Variants in CCDC85A observed in about 807,000 individuals in gnomAD.
CCDC85A encodes the protein coiled-coil domain-containing protein 85A.
Under a neutral mutation model 50.2 loss-of-function variants are expected in CCDC85A, and 38 were observed. The observed-to-expected ratio is 0.76, with a 90% confidence interval of 0.58 to 0.99. CCDC85A has a LOEUF of 0.99. CCDC85A is among the 50% of genes least tolerant of loss of function. The pLI is 0.00. For synonymous variants in CCDC85A, 366 were observed against 301.4 expected (o/e 1.21, Z -2.22); for missense variants, 820 against 742.0 (o/e 1.11, Z -1.22).
Position 56,283,277 on chromosome 2 carries a change from A to G in CCDC85A, c.1241-59602A>G, listed in dbSNP as rs13399666. ...TTGTCACTTTTTGTAGATATTCTTC[A>G]TAATGTTCTTCCTTCTATTCCAGTC... On this transcript the variant is annotated intron_variant, in intron 2 of 5. Coordinates refer to ENST00000407595, the MANE Select transcript of CCDC85A (RefSeq NM_001080433.2). Among the ~76,000 whole-genome samples the G allele has an allele frequency of 8.5e-3, 1,299 of 152,294 alleles. 13 individuals are homozygous for G. Among genetic ancestry groups the G allele is most frequent in the African/African-American group, 0.027 (1,126 of 41,574 alleles).
chr2:56,257,683 C>G (rs1280701814), intron 2 of CCDC85A, among the ~76,000 whole-genome samples: 1 of 152,074 alleles, frequency 6.6e-6, no homozygotes, highest in African/African-American at 2.4e-5. Flanking sequence ...AAAAGAAACT[C>G]AATCAGGTGT....
intron 2 of CCDC85A, among the ~76,000 whole-genome samples, chr2:56,299,753 A>G (rs1372090285): frequency 6.6e-6 from 1 of 152,154 alleles, no homozygotes; most frequent in Non-Finnish European, 1.5e-5. Context: ...AAGCAAAAAG[A>G]CGATTAAATA....
At chr2:56,286,997 C>T (rs1382797549) in intron 2 of CCDC85A, among the ~76,000 whole-genome samples, 1 of 152,186 alleles carries the variant, frequency 6.6e-6, no homozygotes, top group Non-Finnish European at 1.5e-5. Context: ...GGTGTTTTCT[C>T]CAAGGGGTGC....
intron 2 of CCDC85A, among the ~76,000 whole-genome samples, chr2:56,211,470 G>C (rs1325719201): frequency 6.6e-6 from 1 of 151,882 alleles, no homozygotes; most frequent in African/African-American, 2.4e-5. Flanking sequence ...AACATCCTGT[G>C]GGTGTTATCA....
chr2:56,367,896 G>A (rs566151125), intron 3 of CCDC85A, among the ~76,000 whole-genome samples: 96 of 152,118 alleles, frequency 6.3e-4, no homozygotes, highest in African/African-American at 2.1e-3. Context: ...TAGAGTGACC[G>A]TACCATTTTA....
intron 3 of CCDC85A, among the ~76,000 whole-genome samples, chr2:56,369,617 G>C (rs190061894): frequency 6.6e-6 from 1 of 152,208 alleles, no homozygotes; most frequent in East Asian, 1.9e-4. Flanking sequence ...TTAAAACATA[G>C]GTCACTTCAT....
At chr2:56,339,541 C>T (rs919933779) in intron 2 of CCDC85A, among the ~76,000 whole-genome samples, 2 of 152,158 alleles carry the variant, frequency 1.3e-5, no homozygotes, top group African/African-American at 4.8e-5. Context: ...AAATTCCGTT[C>T]AATAGCATTT....
intron 1 of CCDC85A, 137 bp downstream of exon 1, chr2:56,185,037 C>A: frequency 9.4e-7 from 1 of 1,061,024 alleles, no homozygotes; most frequent in Non-Finnish European, 1.3e-6. Context: ...CCCCTACCCC[C>A]AGTCCCCAGC....
intron 2 of CCDC85A, among the ~76,000 whole-genome samples, chr2:56,342,501 T>C (rs981793556): frequency 1.3e-5 from 2 of 152,226 alleles, no homozygotes; most frequent in African/African-American, 4.8e-5. Flanking sequence ...GATGTTGGAC[T>C]GCTTCTCTTA....
chr2:56,277,120 A>G (rs1286618555), intron 2 of CCDC85A, among the ~76,000 whole-genome samples: 1 of 152,088 alleles, frequency 6.6e-6, no homozygotes, highest in Non-Finnish European at 1.5e-5. Flanking sequence ...TCATTCTTTC[A>G]CAATAGCTCA....
At chr2:56,326,177 G>C (rs138138229) in intron 2 of CCDC85A, among the ~76,000 whole-genome samples, 1 of 152,202 alleles carries the variant, frequency 6.6e-6, no homozygotes, top group East Asian at 1.9e-4. Flanking sequence ...CACACCTCAG[G>C]TTAAGTCCAG....
chr2:56,303,161 G>C (rs1347994529), intron 2 of CCDC85A, among the ~76,000 whole-genome samples: 4 of 152,168 alleles, frequency 2.6e-5, no homozygotes, highest in African/African-American at 9.7e-5. Context: ...ATTCTTCGTT[G>C]ACTTTTTTGT....
chr2:56,266,918 G>T (rs559499727), intron 2 of CCDC85A, among the ~76,000 whole-genome samples: 1 of 152,208 alleles, frequency 6.6e-6, no homozygotes, highest in African/African-American at 2.4e-5. Context: ...GAGTGGTGTG[G>T]TTTGTTTTGG....
At chr2:56,283,779 C>T (rs372406672) in intron 2 of CCDC85A, among the ~76,000 whole-genome samples, 1 of 152,018 alleles carries the variant, frequency 6.6e-6, no homozygotes, top group Non-Finnish European at 1.5e-5. Flanking sequence ...TTATTTTGAT[C>T]TGTATTGATA....
intron 2 of CCDC85A, among the ~76,000 whole-genome samples, chr2:56,227,082 G>C (rs1231766738): frequency 6.6e-6 from 1 of 152,116 alleles, no homozygotes; most frequent in Non-Finnish European, 1.5e-5. Flanking sequence ...TTAGTAACTT[G>C]AGTAGCTGCA....
At chr2:56,243,258 C>T (rs1669345905) in intron 2 of CCDC85A, among the ~76,000 whole-genome samples, 1 of 152,082 alleles carries the variant, frequency 6.6e-6, no homozygotes, top group Admixed American at 6.5e-5. Context: ...TCTTTAAAGC[C>T]AATAACTCTT....
chr2:56,246,860 TG>T (rs139244940), intron 2 of CCDC85A, among the ~76,000 whole-genome samples: 15,170 of 152,218 alleles, frequency 0.1, 911 homozygotes, highest in Middle Eastern at 0.13. Flanking sequence ...CAGAGGTTGA[TG>T]GTTTCAGGAC....
chr2:56,303,125 G>A (rs1355295225), intron 2 of CCDC85A, among the ~76,000 whole-genome samples: 2 of 152,112 alleles, frequency 1.3e-5, no homozygotes, highest in African/African-American at 4.8e-5. Context: ...AGAGAATCTT[G>A]TACAAACCCA....
intron 2 of CCDC85A, among the ~76,000 whole-genome samples, chr2:56,314,407 A>G (rs1672828666): frequency 6.6e-6 from 1 of 151,764 alleles, no homozygotes; most frequent in Admixed American, 6.6e-5. Context: ...CTGTGGAATG[A>G]GAAGGGTGGG....
Sources: allele counts gnomAD v4.1 joint callset (sites outside exome capture counted in the v4.1 genomes callset), GRCh38; gene constraint gnomAD v4.1.1; transcripts MANE v1.5; gene names NCBI Gene and HGNC (gene_info 2026-07-23, HGNC 2026-07-21).